PCDH15: variants seen among roughly 807,000 people sequenced by gnomAD.
The protein encoded by PCDH15 is protocadherin-15.
Under a neutral mutation model 178.5 loss-of-function variants are expected in PCDH15, and 129 were observed. The ratio of observed to expected loss-of-function variants is 0.72; its 90% CI spans 0.63 to 0.84. PCDH15 has a LOEUF of 0.84. Ranked by LOEUF, PCDH15 falls within the 40% of genes least tolerant of loss-of-function variation. PCDH15 has a pLI of 0.00. For synonymous variants in PCDH15, 800 were observed against 732.0 expected, an observed-to-expected ratio of 1.09 and a Z score of -1.50; for missense variants, 2,230 against 2,099.9, an observed-to-expected ratio of 1.06 and a Z score of -1.21.
intron 21 of PCDH15, among the ~76,000 whole-genome samples, chr10:53,992,040 C>G (rs181398143): frequency 1.3e-5 from 2 of 152,156 alleles, no homozygotes; most frequent in African/African-American, 4.8e-5. Flanking sequence ...TGGGTCCATA[C>G]TGCCTTTATG....
chr10:55,138,531 C>A (rs368736143), intron 2 of PCDH15, among the ~76,000 whole-genome samples: 4 of 152,066 alleles, frequency 2.6e-5, no homozygotes, highest in African/African-American at 9.7e-5. Context: ...AGCTCCCTTG[C>A]CCTGCCAGTT....
chr10:54,553,957 T>G (rs1314499839), intron 2 of PCDH15, among the ~76,000 whole-genome samples: 1 of 152,152 alleles, frequency 6.6e-6, no homozygotes, highest in Non-Finnish European at 1.5e-5. Context: ...TGTATCTACA[T>G]TATAAATCTA....
At chr10:54,332,401 A>G (rs1940015177) in intron 6 of PCDH15, among the ~76,000 whole-genome samples, 2 of 122,770 alleles carry the variant, frequency 1.6e-5, no homozygotes, top group South Asian at 4.8e-4. Flanking sequence ...AATTTTCTGC[A>G]GCTGAAAGCA....
intron 18 of PCDH15, among the ~76,000 whole-genome samples, chr10:54,027,284 T>C (rs2093132901): frequency 6.7e-6 from 1 of 148,904 alleles, no homozygotes; most frequent in South Asian, 2.2e-4. Context: ...CTCAAGGAAA[T>C]AAAAGAGGAT....
chr10:54,657,238 G>A (rs2094422457), intron 2 of PCDH15, among the ~76,000 whole-genome samples: 1 of 152,162 alleles, frequency 6.6e-6, no homozygotes, highest in African/African-American at 2.4e-5. Context: ...TGCAACAGCG[G>A]CATGATAGGG....
chr10:55,098,657 G>T (rs971576563), intron 2 of PCDH15, among the ~76,000 whole-genome samples: 1 of 151,966 alleles, frequency 6.6e-6, no homozygotes, highest in African/African-American at 2.4e-5. Context: ...TAAGATTAGG[G>T]TGGGGTGACC....
chr10:54,646,288 ACTCAC>A (rs1193865476), intron 2 of PCDH15, among the ~76,000 whole-genome samples: 1 of 151,984 alleles, frequency 6.6e-6, no homozygotes, highest in Non-Finnish European at 1.5e-5. Context: ...AGAATACAAA[ACTCAC>A]GTAAATGAAA....
rs1943335147 is a variant in PCDH15, at chr10:54,346,612, C to G, written c.475-128G>C. 5 of 1,050,216 alleles carry G rather than the reference C, an allele frequency of 4.8e-6. No homozygotes were observed. The Admixed American group carries it at 8.9e-5, about 19-fold the overall frequency. The allele number at this position is 1,050,216 out of a possible 1,614,324, so 65.1% of individuals were successfully genotyped here. ...CCAGTTGGCAGCCCACAACCACAAA[C>G]TGAAGTGTTTCAAAAGAACAGTTTT... On this transcript the variant is annotated intron_variant, in intron 5 of 37. Transcript: ENST00000644397.
chr10:54,969,358 C>G (rs916541211), intron 2 of PCDH15, among the ~76,000 whole-genome samples: 5 of 152,124 alleles, frequency 3.3e-5, no homozygotes, highest in African/African-American at 1.2e-4. Flanking sequence ...CAGACTCCGT[C>G]TGAATACTCC....
chr10:54,462,065 AT>A (rs1374103685), intron 3 of PCDH15, among the ~76,000 whole-genome samples: 2 of 152,120 alleles, frequency 1.3e-5, no homozygotes, highest in African/African-American at 4.8e-5. Flanking sequence ...CAAATAAAAA[AT>A]AATCTTCACT....
At chr10:54,322,182 A>C (rs1250366432) in intron 7 of PCDH15, among the ~76,000 whole-genome samples, 1 of 151,996 alleles carries the variant, frequency 6.6e-6, no homozygotes, top group African/African-American at 2.4e-5. Context: ...TAAATGAAAT[A>C]ACATTCTAAA....
At chr10:55,587,971 C>A (rs189318414) in intron 2 of PCDH15, among the ~76,000 whole-genome samples, 1 of 152,164 alleles carries the variant, frequency 6.6e-6, no homozygotes, top group Non-Finnish European at 1.5e-5. Flanking sequence ...TTGGTTTTGA[C>A]ACTTGTACAA....
At chr10:55,312,732 C>T (rs772695701) in intron 1 of PCDH15, among the ~76,000 whole-genome samples, 1 of 152,082 alleles carries the variant, frequency 6.6e-6, no homozygotes, top group South Asian at 2.1e-4. Flanking sequence ...ATTCTCCTGC[C>T]TCAGCCTCCC....
intron 1 of PCDH15, among the ~76,000 whole-genome samples, chr10:54,741,721 G>T (rs556409183): frequency 6.6e-6 from 1 of 151,960 alleles, no homozygotes; most frequent in South Asian, 2.1e-4. Context: ...CATGGCTCAT[G>T]GCCCCCTTCT....
chr10:53,851,623 C>A (rs2132940912), intron 28 of PCDH15, among the ~76,000 whole-genome samples: 1 of 137,098 alleles, frequency 7.3e-6, no homozygotes, highest in South Asian at 2.4e-4. Flanking sequence ...TAGCAGTTAG[C>A]GTTTCATAGG....
intron 3 of PCDH15, among the ~76,000 whole-genome samples, chr10:54,843,106 A>G (rs1953446975): frequency 6.6e-6 from 1 of 151,962 alleles, no homozygotes; most frequent in Admixed American, 6.6e-5. Context: ...TACCCTCAGC[A>G]GTATCTCAGC....
At chr10:54,806,813 T>C (rs1418202494) in intron 3 of PCDH15, among the ~76,000 whole-genome samples, 1 of 152,174 alleles carries the variant, frequency 6.6e-6, no homozygotes, top group African/African-American at 2.4e-5. Flanking sequence ...TAAGGACTCT[T>C]GGCTGAAGCT....
At chr10:54,385,161 T>C (rs1326294008) in intron 3 of PCDH15, among the ~76,000 whole-genome samples, 4 of 150,964 alleles carry the variant, frequency 2.6e-5, no homozygotes, top group Non-Finnish European at 4.4e-5. Context: ...TTTTATTCCA[T>C]AGATAAATTT....
chr10:54,890,707 T>C (rs67275451), intron 3 of PCDH15, among the ~76,000 whole-genome samples: 33,836 of 151,908 alleles, frequency 0.22, 4,438 homozygotes, highest in Non-Finnish European at 0.3. Context: ...TTTGTCTTTA[T>C]CCATCAAAAA....
Sources: gnomAD v4.1 joint callset for allele counts (sites outside exome capture counted in the v4.1 genomes callset) on GRCh38, gnomAD v4.1.1 for gene constraint, MANE v1.5 for transcripts, NCBI Gene and HGNC (gene_info 2026-07-23, HGNC 2026-07-21) for gene names.